Variants in FRMD4A observed in about 807,000 individuals in gnomAD.
The protein encoded by FRMD4A is FERM domain-containing protein 4A.
FRMD4A carries 29 observed loss-of-function variants against 129.1 expected under a neutral mutation model. That is an observed-to-expected ratio of 0.22 (90% CI 0.17 to 0.31). FRMD4A has a LOEUF of 0.31. Among genes scored for constraint, FRMD4A ranks in the 10% least tolerant of loss-of-function variants. The pLI is 1.00. For missense variants in FRMD4A, 1,272 were observed against 1,375.8 expected (o/e 0.92, Z 1.19); for synonymous variants, 634 against 571.6 (o/e 1.11, Z -1.56).
intron 2 of FRMD4A, among the ~76,000 whole-genome samples, chr10:14,223,963 C>T (rs1403978264): frequency 6.6e-6 from 1 of 152,066 alleles, no homozygotes; most frequent in East Asian, 1.9e-4. Flanking sequence ...TTCGGGGACC[C>T]TTCTCTAATA....
chr10:14,183,121 G>T (rs963353986), intron 2 of FRMD4A, among the ~76,000 whole-genome samples: 1 of 152,200 alleles, frequency 6.6e-6, no homozygotes, highest in Non-Finnish European at 1.5e-5. Flanking sequence ...CAAGAACACT[G>T]AAGTTTACAG....
chr10:13,994,340 C>T (rs12774381), intron 2 of FRMD4A, among the ~76,000 whole-genome samples: 43,388 of 151,750 alleles, frequency 0.29, 7,361 homozygotes, highest in East Asian at 0.73. Context: ...CCACCACACT[C>T]AGCTAATTTT....
At chr10:14,276,691 C>A (rs564181378) in intron 2 of FRMD4A, among the ~76,000 whole-genome samples, 1 of 152,316 alleles carries the variant, frequency 6.6e-6, no homozygotes, top group Non-Finnish European at 1.5e-5. Context: ...AGGATCCTCG[C>A]ATCTCCAGAG....
At chr10:13,710,361 T>G (rs1324229752) in intron 12 of FRMD4A, 1 of 152,274 alleles carries the variant, frequency 6.6e-6, no homozygotes, top group African/African-American at 2.4e-5. Context: ...AGCTTTGCTT[T>G]AAGTGCTCCC....
chr10:13,761,757 C>T (rs767062792), intron 7 of FRMD4A, 88 bp from the exon 8 acceptor site: 1 of 872,206 alleles, frequency 1.1e-6, no homozygotes, highest in Non-Finnish European at 1.9e-6. Flanking sequence ...GAGAGTTTCT[C>T]TACTGAATGA....
intron 2 of FRMD4A, among the ~76,000 whole-genome samples, chr10:13,979,164 G>A (rs1465383261): frequency 1.3e-5 from 2 of 152,072 alleles, no homozygotes; most frequent in Non-Finnish European, 1.5e-5. Flanking sequence ...TACGTACTTC[G>A]CAAGCATGCA....
At chr10:13,998,773 G>A (rs1008885964) in intron 2 of FRMD4A, among the ~76,000 whole-genome samples, 1 of 152,124 alleles carries the variant, frequency 6.6e-6, no homozygotes, top group Non-Finnish European at 1.5e-5. Flanking sequence ...GGTATCCGCT[G>A]GCCTAAATCA....
At chr10:14,251,373 T>G (rs1461111475) in intron 2 of FRMD4A, among the ~76,000 whole-genome samples, 5 of 152,272 alleles carry the variant, frequency 3.3e-5, no homozygotes, top group African/African-American at 1.2e-4. Context: ...GTCCACATAG[T>G]GCTGAACGTA....
At position 13,767,010 on chromosome 10, in the gene FRMD4A, T is replaced by C. The variant is rs540019142; in HGVS notation, c.385-4330A>G. ...ATCGCTTGAACCCTGGAGATGGAGG[T>C]TGCAGTGAGCCGAGATAGCGCCACT... On this transcript the variant is annotated intron_variant, in intron 6 of 24. Transcript: ENST00000357447. Among the ~76,000 whole-genome samples the C allele has an allele frequency of 1.8e-4, 27 of 151,520 alleles. 1 individual carries two copies. The South Asian group carries it at 5.7e-3, about 32-fold the overall frequency.
chr10:14,215,524 A>G (rs1412467024), intron 2 of FRMD4A, among the ~76,000 whole-genome samples: 1 of 152,206 alleles, frequency 6.6e-6, no homozygotes, highest in African/African-American at 2.4e-5. Flanking sequence ...TAACGAAAGT[A>G]ATTTTATACT....
At chr10:14,265,331 A>C (rs938345551) in intron 2 of FRMD4A, among the ~76,000 whole-genome samples, 1 of 152,198 alleles carries the variant, frequency 6.6e-6, no homozygotes, top group Admixed American at 6.5e-5. Flanking sequence ...GATGAAAATG[A>C]GTTGATGTTT....
intron 13 of FRMD4A, among the ~76,000 whole-genome samples, chr10:13,705,245 C>CTGAA (rs1327078521): frequency 6.6e-6 from 1 of 152,190 alleles, no homozygotes; most frequent in Non-Finnish European, 1.5e-5. Flanking sequence ...GACAGGCCCA[C>CTGAA]TGAATAGTCA....
intron 2 of FRMD4A, among the ~76,000 whole-genome samples, chr10:13,959,306 T>A (rs1334480150): frequency 6.6e-6 from 1 of 151,982 alleles, no homozygotes; most frequent in African/African-American, 2.4e-5. Context: ...ACCCTATCTC[T>A]ACTAAAAATA....
chr10:14,107,809 T>C (rs1837665146), intron 2 of FRMD4A, among the ~76,000 whole-genome samples: 1 of 152,242 alleles, frequency 6.6e-6, no homozygotes, highest in South Asian at 2.1e-4. Flanking sequence ...CGATATTCTT[T>C]CATGCGGCTG....
At chr10:14,264,707 T>C (rs1320054353) in intron 2 of FRMD4A, among the ~76,000 whole-genome samples, 2 of 152,238 alleles carry the variant, frequency 1.3e-5, no homozygotes, top group Non-Finnish European at 2.9e-5. Flanking sequence ...TTGCTTCCTC[T>C]AGATTTCATT....
intron 2 of FRMD4A, among the ~76,000 whole-genome samples, chr10:14,177,727 T>A (rs1365006887): frequency 1.3e-5 from 2 of 152,332 alleles, no homozygotes; most frequent in Non-Finnish European, 2.9e-5. Flanking sequence ...CCAGAATAGC[T>A]TTCCTGAGTC....
intron 2 of FRMD4A, among the ~76,000 whole-genome samples, chr10:13,906,209 G>A (rs1043865618): frequency 4.6e-5 from 7 of 152,320 alleles, no homozygotes; most frequent in Admixed American, 3.9e-4. Context: ...TTCTCCCTGT[G>A]TGACTTTGAA....
At chr10:14,136,926 A>C (rs1839568286) in intron 2 of FRMD4A, among the ~76,000 whole-genome samples, 1 of 152,226 alleles carries the variant, frequency 6.6e-6, no homozygotes, top group Non-Finnish European at 1.5e-5. Flanking sequence ...ATTAACGCCA[A>C]ATTGTGGTAT....
At chr10:13,782,511 T>G (rs954296228) in intron 6 of FRMD4A, among the ~76,000 whole-genome samples, 1 of 151,662 alleles carries the variant, frequency 6.6e-6, no homozygotes, top group African/African-American at 2.4e-5. Context: ...TGGCGTGATC[T>G]TAGCTCACTG....
Sources: gnomAD v4.1 joint callset for allele counts (sites outside exome capture counted in the v4.1 genomes callset) on GRCh38, gnomAD v4.1.1 for gene constraint, MANE v1.5 for transcripts, NCBI Gene and HGNC (gene_info 2026-07-23, HGNC 2026-07-21) for gene names.